The following INVS variants were observed in gnomAD, a reference collection of about 807,000 sequenced individuals.
INVS encodes the protein inversin, also known as inversion of embryo turning homolog.
Under a neutral mutation model 108.8 loss-of-function variants are expected in INVS, and 86 were observed. That is an observed-to-expected ratio of 0.79 (90% CI 0.66 to 0.95). INVS has a LOEUF of 0.95. INVS is among the 40% of genes least tolerant of loss of function. INVS has a pLI of 0.00. For synonymous variants in INVS, 455 were observed against 473.5 expected (o/e 0.96, Z 0.51); for missense variants, 1,169 against 1,297.4 (o/e 0.90, Z 1.52).
chr9:100,226,219 C>T lies in INVS; in HGVS notation c.431C>T (p.Thr144Ile), dbSNP rs1831314947. Residue 144 changes from threonine (T) to isoleucine (I), a missense_variant, in exon 4 of 17, where the codon ACA (threonine) becomes ATA (isoleucine). Coordinates refer to ENST00000262457, the MANE Select transcript of INVS (RefSeq NM_014425.5). ...LKFMAPGEVD[T>I]QDKNKQTALH... ...TTTATGGCACCAGGAGAAGTGGATA[C>T]ACAGGATAAAAACAAGGTAATGGAT... 1 of 1,613,880 alleles carries T rather than the reference C, an allele frequency of 6.2e-7. No individual in the cohort carries two copies. Among genetic ancestry groups the T allele is most frequent in the South Asian group, 1.1e-5 (1 of 91,026 alleles).
Position 100,250,456 on chromosome 9 carries a change from G to A in INVS, c.1079-1827G>A, listed in dbSNP as rs569459934. On this transcript the variant is annotated intron_variant, in intron 8 of 16. Coordinates refer to ENST00000262457, the MANE Select transcript of INVS (RefSeq NM_014425.5). Reference sequence around the variant, plus strand: ...ACTTCAGATATTTGAAGTTACTCACGCCTGTCTGAATCTTGTCTAGGTCAA... The same window carrying A: ...ACTTCAGATATTTGAAGTTACTCACACCTGTCTGAATCTTGTCTAGGTCAA... 3.3e-5 allele frequency among the ~76,000 whole-genome samples: 5 copies of A among 152,200 alleles called. No homozygotes were observed. In the East Asian group the frequency reaches 9.7e-4, roughly 29 times the overall value.
chr9:100,105,286 A>G (rs1487871690), intron 2 of INVS, among the ~76,000 whole-genome samples: 1 of 152,216 alleles, frequency 6.6e-6, no homozygotes, highest in Non-Finnish European at 1.5e-5. Flanking sequence ...GCTACAAAAT[A>G]AAGTCCAAAT....
At chr9:100,196,964 C>T (rs1345931430) in intron 3 of INVS, among the ~76,000 whole-genome samples, 1 of 152,088 alleles carries the variant, frequency 6.6e-6, no homozygotes. Context: ...GACCTCTCCA[C>T]CAGCAAGCAA....
intron 11 of INVS, among the ~76,000 whole-genome samples, chr9:100,268,091 T>A (rs1832846822): frequency 6.6e-6 from 1 of 152,136 alleles, no homozygotes; most frequent in African/African-American, 2.4e-5. Context: ...AGGGTGAGTC[T>A]GCAGTGCAAA....
chr9:100,173,460 G>A (rs562726985), intron 3 of INVS, among the ~76,000 whole-genome samples: 43 of 152,282 alleles, frequency 2.8e-4, no homozygotes, highest in Admixed American at 2.6e-3. Context: ...GGGTGCAGTG[G>A]CTCACACCTG....
Position 100,126,558 on chromosome 9 carries a change from TA to T in INVS, c.273+13del, listed in dbSNP as rs780937198. The stretch of plus-strand genomic sequence containing the variant: ...ATCTTGCAGCCCAGAAGGTGAGAAG[TA>T]AAATTTCCTTGAAGAGTAAATGTTT... On this transcript the variant is annotated intron_variant, in intron 3 of 16. Transcript: ENST00000262457. The T allele has an allele frequency of 1.4e-5, 23 of 1,613,866 alleles. No homozygotes were observed. The highest frequency in any genetic ancestry group is 1.9e-5 in the Non-Finnish European group (23 of 1,179,878).
In INVS at chr9:100,292,629, A is replaced by G; in HGVS notation, c.2372A>G (p.Gln791Arg). 1 of 1,614,188 alleles carries G rather than the reference A, an allele frequency of 6.2e-7. No homozygotes were observed. Among genetic ancestry groups the G allele is most frequent in the Non-Finnish European group, 8.5e-7 (1 of 1,180,024 alleles). Residue 791 changes from glutamine (Q) to arginine (R), a missense_variant, in exon 14 of 17, where the codon CAG becomes CGG. By Grantham distance (43) the Gln-to-Arg change is conservative. Transcript: ENST00000262457. ...DTEPKAKCAP[Q>R]KRRTQELRGG... ...GAACCCAAGGCCAAATGTGCCCCCC[A>G]GAAAAGGCGCACTCAAGAGCTCAGA...
At chr9:100,166,075 T>A (rs1829354928) in intron 3 of INVS, among the ~76,000 whole-genome samples, 1 of 152,132 alleles carries the variant, frequency 6.6e-6, no homozygotes, top group South Asian at 2.1e-4. Context: ...TCTTCTTACA[T>A]CTCTACTCCT....
At chr9:100,183,841 C>A (rs1829971832) in intron 3 of INVS, among the ~76,000 whole-genome samples, 3 of 143,848 alleles carry the variant, frequency 2.1e-5, no homozygotes, top group Non-Finnish European at 3.0e-5. Context: ...AAATAGGTAG[C>A]TAAAGATAAA....
chr9:100,225,938 TATTA>T, intron 3 of INVS, 120 bp from the exon 4 acceptor site: 1 of 673,964 alleles, frequency 1.5e-6, no homozygotes. Flanking sequence ...CATTTTTCCT[TATTA>T]ATTTCTCTGG....
rs577950537 is a variant in INVS at position 100,249,744 on chromosome 9, T to A, written c.1079-2539T>A. The stretch of plus-strand genomic sequence containing the variant: ...TCTGACCTCAAATGATCCACCCACC[T>A]CGGCCTCCCAAAGTGCTGGGATTAC... On this transcript the variant is annotated intron_variant, in intron 8 of 16. Coordinates refer to ENST00000262457, the MANE Select transcript of INVS (RefSeq NM_014425.5). Among the ~76,000 whole-genome samples, 112 of 141,298 alleles carry A rather than the reference T, an allele frequency of 7.9e-4. 1 individual carries two copies. The highest frequency in any genetic ancestry group is 2.0e-3 in the Admixed American group (26 of 13,234). 92.7% of individuals were successfully genotyped at this position (141,298 alleles called of 152,430 possible).
intron 3 of INVS, among the ~76,000 whole-genome samples, chr9:100,167,743 C>T (rs1195290617): frequency 6.6e-6 from 1 of 152,022 alleles, no homozygotes; most frequent in East Asian, 1.9e-4. Flanking sequence ...ATCCCCATTG[C>T]CTAGAACTAG....
rs112872718 is a variant in INVS at position 100,175,360 on chromosome 9, G to T, written c.273+48811G>T. 5,876 of 766,378 alleles carry T rather than the reference G, an allele frequency of 7.7e-3. 37 individuals are homozygous for T. Among genetic ancestry groups the T allele is most frequent in the Non-Finnish European group, 0.012 (4,832 of 418,948 alleles). The allele number at this position is 766,378 out of a possible 1,614,324, so 47.5% of individuals were successfully genotyped here. On this transcript the variant is annotated intron_variant, in intron 3 of 16. Transcript: ENST00000262457. ...TCTAATTCTTTCACGAGTCCCAAAG[G>T]CAGACAACTCACTTCTGCAGAGAAG...
intron 2 of INVS, among the ~76,000 whole-genome samples, chr9:100,105,606 T>C (rs186209673): frequency 6.6e-6 from 1 of 152,256 alleles, no homozygotes; most frequent in African/African-American, 2.4e-5. Flanking sequence ...CTCAGCTATC[T>C]ACATTCACTG....
chr9:100,142,767 C>T (rs965938967), intron 3 of INVS, among the ~76,000 whole-genome samples: 9 of 152,090 alleles, frequency 5.9e-5, no homozygotes, highest in African/African-American at 1.9e-4. Context: ...ATTAAGGCAG[C>T]GGCAGCCGCT....
At chr9:100,154,361 T>TTTTTTTTTTTTTTTTTTTTTTTTTGC (rs1828904595) in intron 3 of INVS, among the ~76,000 whole-genome samples, 1 of 127,136 alleles carries the variant, frequency 7.9e-6, no homozygotes, top group African/African-American at 3.0e-5. Context: ...TTTTTTTTTG[T>TTTTTTTTTTTTTTTTTTTTTTTTTGC]AGAGATGGGT....
At position 100,292,406 on chromosome 9, in the gene INVS, C is replaced by A; in HGVS notation, c.2149C>A (p.Pro717Thr). ...TGAAGGCAGTGATGGAAGCAGGCAT[C>A]CAGGAGTTCCCTCTGTTGAGAAGTC... ...PNEGSDGSRH[P>T]GVPSVEKSRG... Residue 717 changes from proline (P) to threonine (T), a missense_variant, in exon 14 of 17, where the codon CCA becomes ACA. By Grantham distance (38) the Pro-to-Thr change is conservative (BLOSUM62 -1). Coordinates refer to ENST00000262457, the MANE Select transcript of INVS (RefSeq NM_014425.5). 2 of 1,614,144 alleles carry A rather than the reference C, an allele frequency of 1.2e-6. No individual in the cohort carries two copies. The highest frequency in any genetic ancestry group is 1.7e-6 in the Non-Finnish European group (2 of 1,180,046).
At chr9:100,233,384 C>G (rs1252263690) in intron 5 of INVS, among the ~76,000 whole-genome samples, 1 of 152,086 alleles carries the variant, frequency 6.6e-6, no homozygotes, top group Non-Finnish European at 1.5e-5. Context: ...ACCTGATTGC[C>G]CTGGCCAGAC....
At chr9:100,175,325 T>C in intron 3 of INVS, 3 of 730,580 alleles carry the variant, frequency 4.1e-6, no homozygotes, top group South Asian at 4.1e-5. Flanking sequence ...TCACACAGAG[T>C]CTGGACAGCT....
Sources: gnomAD v4.1 joint callset for allele counts (sites outside exome capture counted in the v4.1 genomes callset) on GRCh38, gnomAD v4.1.1 for gene constraint, MANE v1.5 for transcripts, NCBI Gene and HGNC (gene_info 2026-07-23, HGNC 2026-07-21) for gene names.